RGS6: variants seen among roughly 807,000 people sequenced by gnomAD.
RGS6 encodes regulator of G-protein signaling 6.
A neutral mutation model predicts 78.5 loss-of-function variants in RGS6; 30 were observed. The ratio of observed to expected loss-of-function variants is 0.38; its 90% CI spans 0.29 to 0.52. The LOEUF (loss-of-function observed/expected upper bound fraction) is 0.52, where lower values mean the gene tolerates loss of function less well. Ranked by LOEUF, RGS6 falls within the 20% of genes least tolerant of loss-of-function variation. RGS6 has a pLI of 0.85. For synonymous variants in RGS6, 206 were observed against 206.0 expected (o/e 1.00, Z 0.00); for missense variants, 495 against 609.7 (o/e 0.81, Z 1.98).
At chr14:72,423,219 C>T (rs2094281167) in intron 3 of RGS6, among the ~76,000 whole-genome samples, 1 of 152,178 alleles carries the variant, frequency 6.6e-6, no homozygotes. Flanking sequence ...GACATAGCCA[C>T]AGACAAAGTC....
At chr14:72,335,083 A>G (rs1429796383) in intron 2 of RGS6, among the ~76,000 whole-genome samples, 1 of 139,528 alleles carries the variant, frequency 7.2e-6, no homozygotes, top group African/African-American at 2.6e-5. Context: ...TCTTCTGCAC[A>G]AGCTCTCTCT....
chr14:71,898,893 A>G, the RGS6 span, among the ~76,000 whole-genome samples: 4 of 152,144 alleles, frequency 2.6e-5, 1 homozygote, highest in Non-Finnish European at 5.9e-5. Context: ...TATGTGCCAC[A>G]TTTTCTTTAT....
At chr14:71,888,026 G>A in the RGS6 span, among the ~76,000 whole-genome samples, 9 of 152,054 alleles carry the variant, frequency 5.9e-5, no homozygotes, top group Admixed American at 2.6e-4. Context: ...CACCCCCGGC[G>A]GCCCAGCTGT....
At chr14:72,050,006 CAA>C (rs2093128751) in intron 2 of RGS6, among the ~76,000 whole-genome samples, 1 of 151,938 alleles carries the variant, frequency 6.6e-6, no homozygotes, top group African/African-American at 2.4e-5. Context: ...GCAGTAAAGA[CAA>C]GTTAAGAAAA....
At chr14:72,456,982 G>A (rs1164093826) in intron 4 of RGS6, among the ~76,000 whole-genome samples, 1 of 151,488 alleles carries the variant, frequency 6.6e-6, no homozygotes, top group Non-Finnish European at 1.5e-5. Flanking sequence ...TACTTGGGAG[G>A]CTGGGGCAGA....
intron 2 of RGS6, among the ~76,000 whole-genome samples, chr14:72,000,240 G>T (rs774380512): frequency 3.9e-5 from 6 of 152,206 alleles, no homozygotes; most frequent in Non-Finnish European, 8.8e-5. Flanking sequence ...TTTACATGAG[G>T]ATGCAAAGGA....
At chr14:72,555,496 C>CTTGAACTTAAGT (rs2097561242) in intron 17 of RGS6, among the ~76,000 whole-genome samples, 1 of 152,266 alleles carries the variant, frequency 6.6e-6, no homozygotes, top group Non-Finnish European at 1.5e-5. Flanking sequence ...AAGTTCTTTT[C>CTTGAACTTAAGT]TCAGGGAAGT....
At chr14:72,355,687 A>T (rs545540539) in intron 3 of RGS6, among the ~76,000 whole-genome samples, 395 of 152,302 alleles carry the variant, frequency 2.6e-3, no homozygotes, top group Non-Finnish European at 4.7e-3. Context: ...CAAGGAGAAA[A>T]ATAAAATACA....
chr14:71,934,596 G>A (rs1380252688), intron 1 of RGS6, among the ~76,000 whole-genome samples: 1 of 152,154 alleles, frequency 6.6e-6, no homozygotes, highest in African/African-American at 2.4e-5. Flanking sequence ...TGGCAGAAAT[G>A]TTTATTTAAA....
upstream of RGS6, among the ~76,000 whole-genome samples, chr14:71,929,153 C>A (rs1379357415): frequency 6.6e-6 from 1 of 152,174 alleles, no homozygotes. Context: ...ACCTTGAGTA[C>A]AACATCAGGA....
chr14:72,352,492 C>G (rs2079302640), intron 3 of RGS6, among the ~76,000 whole-genome samples: 1 of 152,168 alleles, frequency 6.6e-6, no homozygotes, highest in Non-Finnish European at 1.5e-5. Context: ...GGGATACACA[C>G]AAGCACAGAA....
At chr14:71,876,553 T>C in the RGS6 span, among the ~76,000 whole-genome samples, 1 of 143,682 alleles carries the variant, frequency 7.0e-6, no homozygotes, top group South Asian at 2.4e-4. Flanking sequence ...TCCCTTTATT[T>C]TGAGCCTATG....
chr14:72,352,268 G>A (rs1408563281), intron 3 of RGS6, 74 bp downstream of exon 3: 2 of 1,076,572 alleles, frequency 1.9e-6, no homozygotes, highest in Non-Finnish European at 2.8e-6. Flanking sequence ...TGCGGCCTGA[G>A]GGGTGTCTGA....
the RGS6 span, among the ~76,000 whole-genome samples, chr14:71,883,411 T>C: frequency 6.6e-6 from 1 of 152,282 alleles, no homozygotes; most frequent in South Asian, 2.1e-4. Context: ...GAAAGCTAGC[T>C]AACCCCACCC....
At chr14:72,468,691 G>A (rs918865357) in intron 7 of RGS6, among the ~76,000 whole-genome samples, 2 of 151,914 alleles carry the variant, frequency 1.3e-5, no homozygotes, top group Admixed American at 6.6e-5. Context: ...TAGGTATCTC[G>A]GGGTCTTTAC....
At chr14:71,875,938 C>T in the RGS6 span, among the ~76,000 whole-genome samples, 5 of 152,118 alleles carry the variant, frequency 3.3e-5, no homozygotes, top group African/African-American at 9.7e-5. Context: ...GTTCAGTTTC[C>T]ATGTAGTTGA....
intron 12 of RGS6, among the ~76,000 whole-genome samples, chr14:72,492,412 A>G (rs568926201): frequency 1.1e-4 from 17 of 152,304 alleles, no homozygotes; most frequent in African/African-American, 4.1e-4. Context: ...CCTCCCAGGT[A>G]GGACCTCTCT....
intron 2 of RGS6, among the ~76,000 whole-genome samples, chr14:71,981,682 T>A (rs2094464520): frequency 6.6e-6 from 1 of 151,678 alleles, no homozygotes; most frequent in Admixed American, 6.6e-5. Flanking sequence ...ACCACTGCTC[T>A]CTTCAAAGCT....
chr14:72,073,302 C>A (rs2094469319), intron 2 of RGS6, among the ~76,000 whole-genome samples: 1 of 152,094 alleles, frequency 6.6e-6, no homozygotes, highest in South Asian at 2.1e-4. Context: ...ACCGGTATTA[C>A]CATAGATTAA....
Sources: allele counts gnomAD v4.1 joint callset (sites outside exome capture counted in the v4.1 genomes callset), GRCh38; gene constraint gnomAD v4.1.1; transcripts MANE v1.5; gene names NCBI Gene and HGNC (gene_info 2026-07-23, HGNC 2026-07-21).